The following ABCA13 variants were observed in gnomAD, a reference collection of about 807,000 sequenced individuals.
ABCA13 encodes ATP-binding cassette sub-family A member 13.
ABCA13 carries 476 observed loss-of-function variants against 478.7 expected under a neutral mutation model. The observed-to-expected ratio is 0.99, with a 90% CI of 0.92 to 1.07. The LOEUF (loss-of-function observed/expected upper bound fraction) is 1.07. Ranked by LOEUF, ABCA13 falls within the 50% of genes least tolerant of loss-of-function variation. ABCA13 has a pLI of 0.00. For missense variants in ABCA13, 6,060 were observed against 5,910.6 expected, an observed-to-expected ratio of 1.03 and a Z score of -0.83; for synonymous variants, 2,252 against 2,158.9, an observed-to-expected ratio of 1.04 and a Z score of -1.20.
chr7:48,329,378 A>G (rs915497409), intron 27 of ABCA13, among the ~76,000 whole-genome samples: 5 of 152,156 alleles, frequency 3.3e-5, no homozygotes, highest in African/African-American at 4.8e-5. Flanking sequence ...TTCATGTTCT[A>G]TTGAATTTGT....
chr7:48,635,544 C>G (rs1005531557), intron 59 of ABCA13, among the ~76,000 whole-genome samples: 1 of 152,154 alleles, frequency 6.6e-6, no homozygotes, highest in Non-Finnish European at 1.5e-5. Context: ...TAATTTAAAG[C>G]CTCTGTCTAA....
At chr7:48,630,705 G>GT (rs1280829843) in intron 59 of ABCA13, among the ~76,000 whole-genome samples, 1 of 152,056 alleles carries the variant, frequency 6.6e-6, no homozygotes, top group South Asian at 2.1e-4. Context: ...TGGTAGCTCT[G>GT]TTTTAAGTTT....
chr7:48,321,694 G>A (rs1249844172), intron 27 of ABCA13, among the ~76,000 whole-genome samples: 1 of 152,166 alleles, frequency 6.6e-6, no homozygotes, highest in Non-Finnish European at 1.5e-5. Flanking sequence ...CCGTGAGAGC[G>A]AGGTGGCCTC....
At chr7:48,589,294 T>C (rs1231372581) in intron 57 of ABCA13, among the ~76,000 whole-genome samples, 2 of 152,170 alleles carry the variant, frequency 1.3e-5, no homozygotes, top group East Asian at 1.9e-4. Context: ...GGGGATATCA[T>C]TCCGAAATTT....
At chr7:48,555,336 T>G (rs1223661357) in intron 55 of ABCA13, among the ~76,000 whole-genome samples, 1 of 151,956 alleles carries the variant, frequency 6.6e-6, no homozygotes, top group Non-Finnish European at 1.5e-5. Flanking sequence ...AAGGTAATAC[T>G]GGCCTCATAG....
chr7:48,471,534 AATTC>A lies in ABCA13; in HGVS notation c.12911_12914del (p.Asn4304IlefsTer21), dbSNP rs769440479. 154 of 1,557,022 alleles carry A rather than the reference AATTC, an allele frequency of 9.9e-5. No homozygotes were observed. Among genetic ancestry groups the A allele is most frequent in the Non-Finnish European group, 1.2e-4 (143 of 1,148,904 alleles). On this transcript the variant is annotated frameshift_variant, in exon 45 of 62. Transcript: ENST00000435803. LOFTEE classifies it high-confidence loss of function. ...ATTCTCTCCTTTGTTTTTTAGGAAG[AATTC>A]TTCATGCTGGCGCACAGATCCCTTT...
chr7:48,185,600 T>C (rs1796252808), intron 1 of ABCA13, among the ~76,000 whole-genome samples: 1 of 152,208 alleles, frequency 6.6e-6, no homozygotes, highest in South Asian at 2.1e-4. Flanking sequence ...TTAGCTTCTT[T>C]TTGCTGTCTT....
chr7:48,613,824 G>T (rs1489234776), intron 58 of ABCA13, among the ~76,000 whole-genome samples: 3 of 146,922 alleles, frequency 2.0e-5, no homozygotes, highest in African/African-American at 7.4e-5. Context: ...ATTTTGATTA[G>T]ATTTACTATA....
chr7:48,634,359 G>A (rs1179478786), intron 59 of ABCA13, among the ~76,000 whole-genome samples: 2 of 152,126 alleles, frequency 1.3e-5, no homozygotes, highest in East Asian at 1.9e-4. Context: ...TTTTAAACAC[G>A]TTTGTGAAAA....
At chr7:48,597,980 G>A (rs1585928689) in intron 58 of ABCA13, among the ~76,000 whole-genome samples, 1 of 152,174 alleles carries the variant, frequency 6.6e-6, no homozygotes, top group African/African-American at 2.4e-5. Context: ...TTTACATAGG[G>A]TTCTCTCTTG....
rs1349631286 is a variant in ABCA13, at chr7:48,310,066, C to A, written c.9441C>A (p.Ser3147Arg). Reference sequence around the variant, plus strand: ...GGATCGCAGCGGAGGAACTCTGTAGCCTGCCAGGGTCAAAAGTGTATTCTC... The same window carrying A: ...GGATCGCAGCGGAGGAACTCTGTAGACTGCCAGGGTCAAAAGTGTATTCTC... ...KSWIAAEELC[S>R]LPGSKVYSLI... Residue 3147 changes from serine (S) to arginine (R), a missense_variant, in exon 24 of 62, where the codon AGC (serine) becomes AGA (arginine). Ser to Arg is a moderately radical substitution (Grantham distance 110, BLOSUM62 -1). Coordinates refer to ENST00000435803, the MANE Select transcript of ABCA13 (RefSeq NM_152701.5). 1 of 1,613,762 alleles carries A rather than the reference C, an allele frequency of 6.2e-7. No homozygotes were observed. The highest frequency in any genetic ancestry group is 1.3e-5 in the African/African-American group (1 of 74,920).
intron 58 of ABCA13, among the ~76,000 whole-genome samples, chr7:48,595,260 T>G (rs928190671): frequency 6.6e-6 from 1 of 152,320 alleles, no homozygotes; most frequent in East Asian, 1.9e-4. Context: ...GAATTAAGTT[T>G]GTAATTAGAT....
At chr7:48,418,797 A>G (rs1001761111) in intron 41 of ABCA13, among the ~76,000 whole-genome samples, 1 of 152,358 alleles carries the variant, frequency 6.6e-6, no homozygotes, top group South Asian at 2.1e-4. Flanking sequence ...TAATCTGTCT[A>G]TATTTTAATG....
intron 13 of ABCA13, among the ~76,000 whole-genome samples, chr7:48,247,066 C>G (rs565788887): frequency 6.6e-6 from 1 of 151,906 alleles, no homozygotes; most frequent in South Asian, 2.1e-4. Flanking sequence ...TAAACCCCAT[C>G]TCTACAAAAA....
At chr7:48,363,483 AT>A (rs1417700912) in intron 31 of ABCA13, among the ~76,000 whole-genome samples, 3 of 151,360 alleles carry the variant, frequency 2.0e-5, no homozygotes, top group African/African-American at 4.8e-5. Flanking sequence ...GTAGATTTTA[AT>A]TTTTTTTAAT....
chr7:48,604,270 T>A (rs2131501531), intron 58 of ABCA13, among the ~76,000 whole-genome samples: 2 of 152,298 alleles, frequency 1.3e-5, no homozygotes, highest in Middle Eastern at 6.8e-3. Context: ...TGTCTTCTGC[T>A]CGCTTTTGAA....
rs1157687690 is a variant in ABCA13 at position 48,410,536 on chromosome 7, C to T, written c.12087C>T (p.Phe4029=). 6.2e-7 allele frequency: 1 copy of T among 1,614,066 alleles called. No individual in the cohort carries two copies. Among genetic ancestry groups the T allele is most frequent in the Non-Finnish European group, 8.5e-7 (1 of 1,179,906 alleles). Residue 4029 remains phenylalanine (F), a synonymous_variant, in exon 40 of 62, where the codon TTC becomes TTT. Transcript: ENST00000435803. ...TGGACCCAGGTCGTACGATCATCTT[C>T]ACAACCCACCACCTGGATGAAGCTG... ...LKYREGRTII[F]TTHHLDEAEA...
At chr7:48,254,925 G>T (rs528575038) in intron 15 of ABCA13, among the ~76,000 whole-genome samples, 1 of 152,208 alleles carries the variant, frequency 6.6e-6, no homozygotes, top group Admixed American at 6.6e-5. Flanking sequence ...AACAACAGTT[G>T]CCCACAGTGG....
chr7:48,252,404 G>T (rs1792708668), intron 15 of ABCA13, among the ~76,000 whole-genome samples: 1 of 152,096 alleles, frequency 6.6e-6, no homozygotes, highest in Non-Finnish European at 1.5e-5. Flanking sequence ...TTTTTCCATT[G>T]TTCAAACATC....
Sources: gnomAD v4.1 joint callset for allele counts (sites outside exome capture counted in the v4.1 genomes callset) on GRCh38, gnomAD v4.1.1 for gene constraint, MANE v1.5 for transcripts, NCBI Gene and HGNC (gene_info 2026-07-23, HGNC 2026-07-21) for gene names.